The following AFAP1L2 variants were observed in gnomAD, a reference collection of about 807,000 sequenced individuals.
AFAP1L2 encodes actin filament associated protein 1 like 2.
A neutral mutation model predicts 99.3 loss-of-function variants in AFAP1L2; 46 were observed. The observed-to-expected ratio is 0.46, with a 90% CI of 0.37 to 0.59. The LOEUF (loss-of-function observed/expected upper bound fraction) is 0.59. Ranked by LOEUF, AFAP1L2 falls within the 20% of genes least tolerant of loss-of-function variation. The probability of loss-of-function intolerance (pLI) is 0.00; values close to 1 mark genes in which losing one functional copy is unlikely to be tolerated. For missense variants in AFAP1L2, 959 were observed against 1,034.9 expected (o/e 0.93, Z 1.01); for synonymous variants, 397 against 419.1 (o/e 0.95, Z 0.64).
intron 1 of AFAP1L2, among the ~76,000 whole-genome samples, chr10:114,364,474 G>A (rs2052912964): frequency 6.6e-6 from 1 of 152,062 alleles, no homozygotes; most frequent in South Asian, 2.1e-4. Flanking sequence ...CTGGCTTGTG[G>A]CTGCATCCCT....
chr10:114,303,785 G>C (rs80252879), intron 11 of AFAP1L2, among the ~76,000 whole-genome samples: 1 of 152,052 alleles, frequency 6.6e-6, no homozygotes, highest in African/African-American at 2.4e-5. Context: ...TGAGCTTGCC[G>C]CCCTCCCCTG....
chr10:114,289,961 C>G, downstream of AFAP1L2: 1 of 277,294 alleles, frequency 3.6e-6, no homozygotes, highest in South Asian at 5.1e-5. Flanking sequence ...CATTGTACTC[C>G]AGCCTGGGCA....
In AFAP1L2 at chr10:114,300,578, C is replaced by G. The variant is rs150906523; in HGVS notation, c.1655G>C (p.Ser552Thr). Residue 552 changes from serine (S) to threonine (T), a missense_variant, in exon 14 of 19, where the codon AGT (serine) becomes ACT (threonine). Ser to Thr is a moderately conservative substitution (Grantham distance 58). Transcript: ENST00000304129. The part of the protein sequence containing the change: ...PVKSFLHGPS[S>T]AQAQASSPTL... Reference sequence around the variant, plus strand: ...CGGGGAGGAGGCCTGGGCCTGTGCACTGCTGGGGCCATGCAGAAAGGACTT... The same window carrying G: ...CGGGGAGGAGGCCTGGGCCTGTGCAGTGCTGGGGCCATGCAGAAAGGACTT... 6.2e-7 allele frequency: 1 copy of G among 1,614,070 alleles called. No homozygotes were observed. The highest frequency in any genetic ancestry group is 8.5e-7 in the Non-Finnish European group (1 of 1,180,028).
At chr10:114,339,875 G>A (rs1017121663) in intron 2 of AFAP1L2, among the ~76,000 whole-genome samples, 1 of 151,984 alleles carries the variant, frequency 6.6e-6, no homozygotes, top group African/African-American at 2.4e-5. Context: ...GCTGGGCATG[G>A]TGGTGGGCGC....
At chr10:114,391,242 CAG>C (rs1358660796) in intron 1 of AFAP1L2, among the ~76,000 whole-genome samples, 1 of 151,632 alleles carries the variant, frequency 6.6e-6, no homozygotes, top group Non-Finnish European at 1.5e-5. Flanking sequence ...TTTTTTTAGA[CAG>C]AGTCTCTTTC....
At chr10:114,306,763 G>A (rs956402937) in intron 10 of AFAP1L2, among the ~76,000 whole-genome samples, 3 of 152,028 alleles carry the variant, frequency 2.0e-5, no homozygotes, top group African/African-American at 4.8e-5. Flanking sequence ...TCCCCTAGCC[G>A]CAGGAAGCAT....
chr10:114,366,210 A>G (rs1212949131), intron 1 of AFAP1L2, among the ~76,000 whole-genome samples: 1 of 152,228 alleles, frequency 6.6e-6, no homozygotes, highest in East Asian at 1.9e-4. Flanking sequence ...ACTTCTAACC[A>G]AAAAGCCAAG....
chr10:114,348,297 T>C, intron 1 of AFAP1L2, among the ~76,000 whole-genome samples: 1 of 152,236 alleles, frequency 6.6e-6, no homozygotes, highest in East Asian at 1.9e-4. Context: ...CTATTTGTTT[T>C]GAGAAACACC....
At chr10:114,381,894 T>G (rs1168823719) in intron 1 of AFAP1L2, among the ~76,000 whole-genome samples, 3 of 152,050 alleles carry the variant, frequency 2.0e-5, no homozygotes, top group Admixed American at 1.3e-4. Context: ...CACAGAGCTC[T>G]TAAACATATG....
intron 1 of AFAP1L2, among the ~76,000 whole-genome samples, chr10:114,357,996 T>A (rs1163911401): frequency 6.6e-5 from 10 of 152,202 alleles, no homozygotes; most frequent in Admixed American, 4.6e-4. Flanking sequence ...AAGCATCATG[T>A]CTGAGAGTTC....
chr10:114,396,861 A>G (rs2057770176), intron 1 of AFAP1L2, among the ~76,000 whole-genome samples: 1 of 152,112 alleles, frequency 6.6e-6, no homozygotes, highest in Non-Finnish European at 1.5e-5. Flanking sequence ...TATCACACTG[A>G]TTGTGCCTAA....
At chr10:114,363,423 C>A (rs2052736342) in intron 1 of AFAP1L2, among the ~76,000 whole-genome samples, 2 of 152,214 alleles carry the variant, frequency 1.3e-5, no homozygotes, top group Non-Finnish European at 2.9e-5. Flanking sequence ...TGAGCCCTTG[C>A]TCTCTGATCC....
chr10:114,308,513 T>G lies in AFAP1L2; in HGVS notation c.887A>C (p.Asp296Ala). Reference sequence around the variant, plus strand: ...AGCCGACAGGTACTTCTCAGCTATATCTGGCTATGGACAAAAGCGACATGA... The same window carrying G: ...AGCCGACAGGTACTTCTCAGCTATAGCTGGCTATGGACAAAAGCGACATGA... The part of the protein sequence containing the change: ...DAQRFNCQKP[D>A]IAEKYLSASE... The change falls in exon 9 of 19, where the codon GAT becomes GCT. Residue 296 changes from aspartate (D) to alanine (A), a missense_variant. By Grantham distance (126) the Asp-to-Ala change is moderately radical. Around this residue, in one of 2 missense-constraint regions of AFAP1L2, gnomAD observed 383 missense variants for 472.8 expected, o/e 0.81. Coordinates refer to ENST00000304129, the MANE Select transcript of AFAP1L2 (RefSeq NM_001001936.3). The G allele has an allele frequency of 6.2e-7, 1 of 1,614,112 alleles. No individual in the cohort carries two copies. The highest frequency in any genetic ancestry group is 1.1e-5 in the South Asian group (1 of 91,078).
At chr10:114,342,463 C>T (rs1180787686) in intron 1 of AFAP1L2, among the ~76,000 whole-genome samples, 1 of 152,228 alleles carries the variant, frequency 6.6e-6, no homozygotes, top group Non-Finnish European at 1.5e-5. Context: ...CCCCTCAAAT[C>T]TGTGAATATG....
intron 1 of AFAP1L2, among the ~76,000 whole-genome samples, chr10:114,352,568 C>T (rs974044107): frequency 6.7e-6 from 1 of 148,662 alleles, no homozygotes; most frequent in Non-Finnish European, 1.5e-5. Flanking sequence ...GCAACAGGGG[C>T]AGGTGAGGAG....
chr10:114,321,194 A>G (rs1322833455), intron 5 of AFAP1L2, among the ~76,000 whole-genome samples: 1 of 152,124 alleles, frequency 6.6e-6, no homozygotes, highest in African/African-American at 2.4e-5. Context: ...TTTCTGAGAT[A>G]GTGCACTGTC....
chr10:114,304,975 G>C (rs1289152775), intron 10 of AFAP1L2, 45 bp from the exon 11 acceptor site: 1 of 1,552,386 alleles, frequency 6.4e-7, no homozygotes, highest in South Asian at 1.1e-5. Flanking sequence ...GGCTGCAGGA[G>C]GGGACGCAGA....
chr10:114,294,768 C>T, downstream of AFAP1L2: 1 of 935,192 alleles, frequency 1.1e-6, no homozygotes, highest in South Asian at 5.0e-5. Flanking sequence ...AAAACATTTC[C>T]TCCCTTGAGA....
chr10:114,327,175 T>TATATATATATATATATA (rs1564880771), intron 4 of AFAP1L2, among the ~76,000 whole-genome samples: 597 of 55,494 alleles, frequency 0.011, 123 homozygotes, highest in Middle Eastern at 0.024. Context: ...ATATATATAT[T>TATATATATATATATATA]TTTTTTTTAG....
Sources: gnomAD v4.1 joint callset for allele counts (sites outside exome capture counted in the v4.1 genomes callset) on GRCh38, gnomAD v4.1.1 for gene constraint, gnomAD v4.1.1 regional missense constraint, MANE v1.5 for transcripts, NCBI Gene and HGNC (gene_info 2026-07-23, HGNC 2026-07-21) for gene names.